The following LYST variants were observed in gnomAD, a reference collection of about 807,000 sequenced individuals.
The protein encoded by LYST is lysosomal-trafficking regulator.
LYST carries 192 observed loss-of-function variants against 413.6 expected under a neutral mutation model. The observed-to-expected ratio is 0.46, with a 90% CI of 0.41 to 0.52. The LOEUF (loss-of-function observed/expected upper bound fraction) is 0.52, where lower values mean the gene tolerates loss of function less well. Ranked by LOEUF, LYST falls within the 20% of genes least tolerant of loss-of-function variation. LYST has a pLI of 0.00. For missense variants in LYST, 3,815 were observed against 4,499.9 expected (o/e 0.85, Z 4.35); for synonymous variants, 1,525 against 1,567.3 (o/e 0.97, Z 0.64).
intron 31 of LYST, chr1:235,738,737 C>T: frequency 6.9e-7 from 1 of 1,448,676 alleles, no homozygotes; most frequent in African/African-American, 1.4e-5. Flanking sequence ...AACTCAAAGG[C>T]TACACATCCT....
rs530532419 is a variant in LYST, at chr1:235,716,929, T to A, written c.9561-151A>T. On this transcript the variant is annotated intron_variant, in intron 40 of 52. Coordinates refer to ENST00000389793, the MANE Select transcript of LYST (RefSeq NM_000081.4). ...AAACATATTGTTTTGTAACTAACAGTCACCATTCAAAATTATGATTTCAGA... is the reference window on the plus strand; with the variant it reads ...AAACATATTGTTTTGTAACTAACAGACACCATTCAAAATTATGATTTCAGA... 165 of 571,446 alleles carry A rather than the reference T, an allele frequency of 2.9e-4. No individual in the cohort carries two copies. In the African/African-American group the frequency reaches 3.0e-3, roughly 10 times the overall value. The allele number at this position is 571,446 out of a possible 1,614,324, so 35.4% of individuals were successfully genotyped here. A position where few individuals can be genotyped will look rare whatever the true frequency, so the allele number is the denominator to read the frequency against.
In LYST at chr1:235,765,393, A is replaced by G. The variant is rs550282403; in HGVS notation, c.6121+686T>C. 2.5e-4 allele frequency among the ~76,000 whole-genome samples: 38 copies of G among 152,244 alleles called. No homozygotes were observed. The Middle Eastern group carries it at 0.01, about 41-fold the overall frequency. On this transcript the variant is annotated intron_variant, in intron 21 of 52. Transcript: ENST00000389793. ...CCCTAGTTCCTTATTCCTGAATTCT[A>G]CTGCAATAATTTACTTATAGCCTTT...
chr1:235,664,674 C>G lies in LYST; in HGVS notation c.11039-53G>C. 1 of 1,597,002 alleles carries G rather than the reference C, an allele frequency of 6.3e-7. No individual in the cohort carries two copies. The highest frequency in any genetic ancestry group is 2.2e-5 in the East Asian group (1 of 44,698). On this transcript the variant is annotated intron_variant, in intron 50 of 52. Transcript: ENST00000389793. The surrounding 1 kb of genome is among the most constrained non-coding windows in gnomAD (Gnocchi z 4.5). ...TACCAGAATGTGGCTGTCTCAGAGCCCACATTTGGCCCCAGAAGGGCAACC... is the reference window on the plus strand; with the variant it reads ...TACCAGAATGTGGCTGTCTCAGAGCGCACATTTGGCCCCAGAAGGGCAACC...
intron 36 of LYST, 83 bp from the exon 37 acceptor site, chr1:235,729,740 G>T: frequency 6.1e-6 from 6 of 985,456 alleles, no homozygotes; most frequent in Middle Eastern, 4.7e-4. Context: ...CCTAGTAAAA[G>T]ATTTCTGCAA....
At chr1:235,847,183 C>A (rs572378880) in intron 1 of LYST, among the ~76,000 whole-genome samples, 90 of 152,324 alleles carry the variant, frequency 5.9e-4, no homozygotes, top group African/African-American at 2.0e-3. Context: ...GATTTCTCAG[C>A]AGAAACCCTA....
intron 31 of LYST, chr1:235,737,916 A>AATGGTGGC: frequency 1.9e-5 from 22 of 1,163,406 alleles, no homozygotes; most frequent in Admixed American, 1.8e-4. Flanking sequence ...GCTGCCGACG[A>AATGGTGGC]GTCTGGATCT....
chr1:235,875,926 A>G (rs181567909), intron 1 of LYST, among the ~76,000 whole-genome samples: 212 of 152,318 alleles, frequency 1.4e-3, no homozygotes, highest in African/African-American at 5.0e-3. Flanking sequence ...AAATTAAAAT[A>G]TGCTTTTTCT....
chr1:235,792,345 C>T (rs1671091666), intron 11 of LYST, among the ~76,000 whole-genome samples: 1 of 151,888 alleles, frequency 6.6e-6, no homozygotes, highest in Admixed American at 6.6e-5. Flanking sequence ...GACAGAGTCT[C>T]ACTCTGTTGC....
At chr1:235,859,523 T>C (rs571979881) in intron 1 of LYST, among the ~76,000 whole-genome samples, 59 of 151,434 alleles carry the variant, frequency 3.9e-4, no homozygotes, top group Non-Finnish European at 5.9e-4. Context: ...TTTAAATGTA[T>C]CTATATCTGA....
rs537711938 is a variant in LYST at position 235,790,015 on chromosome 1, A to T, written c.4544-1170T>A. ...AGGTAAAAGGTATGATATCGCAGCA[A>T]AATATTCTTTATCTCTCTTCAAAAC... On this transcript the variant is annotated intron_variant, in intron 12 of 52. Coordinates refer to ENST00000389793, the MANE Select transcript of LYST (RefSeq NM_000081.4). 2.6e-5 allele frequency among the ~76,000 whole-genome samples: 4 copies of T among 152,292 alleles called. No homozygotes were observed. In the East Asian group the frequency reaches 5.8e-4, roughly 22 times the overall value.
intron 16 of LYST, among the ~76,000 whole-genome samples, chr1:235,777,820 A>C (rs1669429949): frequency 6.6e-6 from 1 of 152,152 alleles, no homozygotes; most frequent in Non-Finnish European, 1.5e-5. Flanking sequence ...ATAAAATAGA[A>C]CTTCAAATAT....
At chr1:235,739,243 T>C (rs1003257915) in intron 31 of LYST, among the ~76,000 whole-genome samples, 1 of 152,238 alleles carries the variant, frequency 6.6e-6, no homozygotes, top group Non-Finnish European at 1.5e-5. Flanking sequence ...TAATCTTGTG[T>C]AGTCCTAAAC....
At chr1:235,701,649 T>A (rs1661564729) in intron 45 of LYST, among the ~76,000 whole-genome samples, 1 of 152,002 alleles carries the variant, frequency 6.6e-6, no homozygotes, top group African/African-American at 2.4e-5. Flanking sequence ...AATCAATCAA[T>A]CAAGTGACAG....
chr1:235,683,508 A>T (rs947500782), intron 48 of LYST, among the ~76,000 whole-genome samples: 6 of 152,238 alleles, frequency 3.9e-5, no homozygotes, highest in Non-Finnish European at 8.8e-5. Context: ...TAACGAGTCA[A>T]CTTATTCATC....
chr1:235,662,881 A>G lies in LYST; in HGVS notation c.*59T>C. The G allele has an allele frequency of 1.1e-6, 1 of 936,878 alleles. No homozygotes were observed. Among genetic ancestry groups the G allele is most frequent in the Non-Finnish European group, 1.8e-6 (1 of 561,142 alleles). 58.0% of individuals were successfully genotyped at this position (936,878 alleles called of 1,614,324 possible). ...TAGGTTCAACCTCCTAAAACTGGTG[A>G]AGTCAACAAATCTAGTTTGGAGTTA... On this transcript the variant is annotated 3_prime_UTR_variant, in exon 53 of 53. Transcript: ENST00000389793.
chr1:235,859,873 GTTA>G (rs1679659296), intron 1 of LYST, among the ~76,000 whole-genome samples: 1 of 152,192 alleles, frequency 6.6e-6, no homozygotes, highest in Non-Finnish European at 1.5e-5. Context: ...TACTCTGTAA[GTTA>G]TAAAGTAGTA....
chr1:235,807,005 T>C (rs899793515), intron 5 of LYST, among the ~76,000 whole-genome samples: 7 of 152,178 alleles, frequency 4.6e-5, no homozygotes, highest in Admixed American at 3.3e-4. Flanking sequence ...GCTCCAGCAG[T>C]ATCTAAAAAG....
chr1:235,707,914 T>C (rs1662114437), intron 44 of LYST, among the ~76,000 whole-genome samples: 1 of 152,152 alleles, frequency 6.6e-6, no homozygotes, highest in Non-Finnish European at 1.5e-5. Flanking sequence ...TACTTAGCAG[T>C]TCAGTATTCT....
chr1:235,771,855 T>G (rs1409974426), intron 19 of LYST, among the ~76,000 whole-genome samples: 2 of 151,158 alleles, frequency 1.3e-5, no homozygotes, highest in Admixed American at 1.3e-4. Flanking sequence ...TTCTCTTTCC[T>G]CTAGCATATT....
Sources: allele counts gnomAD v4.1 joint callset (sites outside exome capture counted in the v4.1 genomes callset), GRCh38; gene constraint gnomAD v4.1.1; non-coding constraint Gnocchi (gnomAD v3.1); transcripts MANE v1.5; gene names NCBI Gene and HGNC (gene_info 2026-07-23, HGNC 2026-07-21).